Variants in JPH4 observed in about 807,000 individuals in gnomAD.
JPH4 encodes the protein junctophilin-4.
A neutral mutation model predicts 57.6 loss-of-function variants in JPH4; 18 were observed. The observed-to-expected ratio is 0.31, with a 90% CI of 0.22 to 0.46. The LOEUF is 0.46. Among genes scored for constraint, JPH4 ranks in the 20% least tolerant of loss-of-function variants. The pLI is 1.00. For missense variants in JPH4, 727 were observed against 911.1 expected (o/e 0.80, Z 2.60); for synonymous variants, 425 against 406.6 (o/e 1.05, Z -0.54).
rs1415229156 is a variant in JPH4, at chr14:23,575,375, T to A, written c.1151+310A>T. The A allele has an allele frequency of 4.2e-6, 2 of 478,304 alleles. No homozygotes were observed. The highest frequency in any genetic ancestry group is 6.9e-5 in the East Asian group (2 of 29,000). 29.6% of individuals were successfully genotyped at this position (478,304 alleles called of 1,614,324 possible). On this transcript the variant is annotated intron_variant, in intron 3 of 5. Coordinates refer to ENST00000356300, the MANE Select transcript of JPH4 (RefSeq NM_001146028.2). This position sits in a 1 kb window ranked among gnomAD's most constrained non-coding sequence, Gnocchi z 6.9. ...GATTTCTGGGCCTGCACAAAACAGC[T>A]TCCTTGCTACTCCCACACACAACAA...
chr14:23,570,395 A>G (rs1490076706), intron 5 of JPH4, among the ~76,000 whole-genome samples: 93 of 127,494 alleles, frequency 7.3e-4, no homozygotes, highest in Non-Finnish European at 1.1e-3. Flanking sequence ...TTTTTGAGAC[A>G]GAGTCTCGCT....
intron 5 of JPH4, among the ~76,000 whole-genome samples, chr14:23,570,254 T>TGG (rs1889080551): frequency 2.2e-4 from 1 of 4,484 alleles, no homozygotes; most frequent in Non-Finnish European, 4.0e-4. Context: ...AGTGCGGAGG[T>TGG]GGGGGTGGGG....
In JPH4 at chr14:23,568,959, A is replaced by G. The variant is rs1419958164; in HGVS notation, c.*675T>C. ...GAGGGGCTGGCCGATGAGGAGAAAA[A>G]GAGGGAAATGCTGGGGAGTTACTCT... On this transcript the variant is annotated 3_prime_UTR_variant, in exon 6 of 6. Coordinates refer to ENST00000356300, the MANE Select transcript of JPH4 (RefSeq NM_001146028.2). 1.4e-5 allele frequency: 3 copies of G among 209,766 alleles called. No individual in the cohort carries two copies. The highest frequency in any genetic ancestry group is 2.5e-5 in the Non-Finnish European group (3 of 120,590). The allele number at this position is 209,766 out of a possible 1,614,324, so 13.0% of individuals were successfully genotyped here.
rs532311736 is a variant in JPH4 at position 23,576,568 on chromosome 14, C to T, written c.380-112G>A. On this transcript the variant is annotated intron_variant, in intron 2 of 5. Coordinates refer to ENST00000356300, the MANE Select transcript of JPH4 (RefSeq NM_001146028.2). The surrounding 1 kb of genome is among the most constrained non-coding windows in gnomAD (Gnocchi z 8.0). ...AAGCGTCAGGCGGGAGAGATGGAGGCAGTTAGTGTGGAGGTCGGGGAAGGG... is the reference window on the plus strand; with the variant it reads ...AAGCGTCAGGCGGGAGAGATGGAGGTAGTTAGTGTGGAGGTCGGGGAAGGG... The T allele has an allele frequency of 1.1e-4, 107 of 940,528 alleles. 1 individual carries two copies. The South Asian group carries it at 3.2e-3, about 28-fold the overall frequency. The allele number at this position is 940,528 out of a possible 1,614,324, so 58.3% of individuals were successfully genotyped here.
chr14:23,573,110 C>T, intron 3 of JPH4: 1 of 612,972 alleles, frequency 1.6e-6, no homozygotes, highest in South Asian at 1.9e-5. Flanking sequence ...TTCTCTCTGG[C>T]TCAGGAAGGC....
chr14:23,575,392 A>G lies in JPH4; in HGVS notation c.1151+293T>C. 1 of 516,850 alleles carries G rather than the reference A, an allele frequency of 1.9e-6. No individual in the cohort carries two copies. 32.0% of individuals were successfully genotyped at this position (516,850 alleles called of 1,614,324 possible). On this transcript the variant is annotated intron_variant, in intron 3 of 5. Transcript: ENST00000356300. This position sits in a 1 kb window ranked among gnomAD's most constrained non-coding sequence, Gnocchi z 6.9. ...AAAACAGCTTCCTTGCTACTCCCAC[A>G]CACAACAATGGATTCCATAGACATG...
Position 23,576,977 on chromosome 14 carries a change from A to ATCT in JPH4, c.379+97_379+98insAGA. The ATCT allele has an allele frequency of 7.4e-7, 1 of 1,350,982 alleles. No homozygotes were observed. The highest frequency in any genetic ancestry group is 9.7e-7 in the Non-Finnish European group (1 of 1,035,402). The allele number at this position is 1,350,982 out of a possible 1,614,324, so 83.7% of individuals were successfully genotyped here. ...GATGGGGAATGGTGGCGGGGGAAAG[A>ATCT]AGGATGGGCGCAAGGGCGCAAATGG... On this transcript the variant is annotated intron_variant, in intron 2 of 5. Coordinates refer to ENST00000356300, the MANE Select transcript of JPH4 (RefSeq NM_001146028.2). The surrounding 1 kb of genome is among the most constrained non-coding windows in gnomAD (Gnocchi z 8.0).
chr14:23,568,873 G>T lies in JPH4; in HGVS notation c.*761C>A. The T allele has an allele frequency of 1.1e-6, 1 of 880,754 alleles. No homozygotes were observed. The highest frequency in any genetic ancestry group is 1.4e-6 in the Non-Finnish European group (1 of 734,152). 54.6% of individuals were successfully genotyped at this position (880,754 alleles called of 1,614,324 possible). A position where few individuals can be genotyped will look rare whatever the true frequency, so the allele number is the denominator to read the frequency against. On this transcript the variant is annotated 3_prime_UTR_variant, in exon 6 of 6. Coordinates refer to ENST00000356300, the MANE Select transcript of JPH4 (RefSeq NM_001146028.2). ...GGGCAGGGTGGACTTGACTGCATTG[G>T]ATATTCTCTGTTCCTTTACACGTTG...
intron 3 of JPH4, chr14:23,574,942 T>C (rs929098232): frequency 5.8e-6 from 1 of 172,358 alleles, no homozygotes; most frequent in African/African-American, 2.4e-5. Flanking sequence ...TGGCTTCTTT[T>C]TGTTTTTTAA....
In JPH4 at chr14:23,577,575, C is replaced by CG. The variant is rs1003980808; in HGVS notation, c.-123dup. 2 of 711,034 alleles carry CG rather than the reference C, an allele frequency of 2.8e-6. No homozygotes were observed. Among genetic ancestry groups the CG allele is most frequent in the South Asian group, 3.1e-5 (1 of 32,738 alleles). The allele number at this position is 711,034 out of a possible 1,614,324, so 44.0% of individuals were successfully genotyped here. On this transcript the variant is annotated 5_prime_UTR_variant, in exon 2 of 6. The change creates a premature stop within an existing upstream ORF in the 5' untranslated region. Transcript: ENST00000356300. The surrounding 1 kb of genome is among the most constrained non-coding windows in gnomAD (Gnocchi z 8.4). ...CGGGGGCAGTTAGACCGGGGCCGGG[C>CG]GGGGGGGCCCCAGCGAGGGCAGGCA...
intron 5 of JPH4, 100 bp downstream of exon 5, chr14:23,570,828 A>G (rs1055125885): frequency 1.6e-6 from 2 of 1,216,432 alleles, no homozygotes; most frequent in African/African-American, 1.5e-5. Context: ...GAGGAAGCCG[A>G]GTGAGATAAA....
intron 3 of JPH4, among the ~76,000 whole-genome samples, chr14:23,574,435 G>A (rs1595394997): frequency 6.6e-6 from 1 of 152,170 alleles, no homozygotes; most frequent in African/African-American, 2.4e-5. Context: ...GCCTCCCAAA[G>A]TGCTGGGATT....
chr14:23,571,321 G>C lies in JPH4; in HGVS notation c.1410C>G (p.Pro470=), dbSNP rs751100017. ...GGCTCCGGCAGGCAGGGGGTCGCCA[G>C]GGTTGGCGGGAGGAGGCAGGACTGC... The part of the protein sequence containing the change: ...LPSSPASSRQ[P]WRPPACRSPL... The change falls in exon 5 of 6, where the codon CCC becomes CCG. Residue 470 remains proline (P), a synonymous_variant. Transcript: ENST00000356300. The surrounding 1 kb of genome is among the most constrained non-coding windows in gnomAD (Gnocchi z 4.6). 1 of 1,596,272 alleles carries C rather than the reference G, an allele frequency of 6.3e-7. No individual in the cohort carries two copies. Among genetic ancestry groups the C allele is most frequent in the South Asian group, 1.1e-5 (1 of 89,690 alleles).
In JPH4 at chr14:23,577,054, C is replaced by A. The variant is rs775104264; in HGVS notation, c.379+21G>T. On this transcript the variant is annotated intron_variant, in intron 2 of 5. Coordinates refer to ENST00000356300, the MANE Select transcript of JPH4 (RefSeq NM_001146028.2). This position sits in a 1 kb window ranked among gnomAD's most constrained non-coding sequence, Gnocchi z 8.4. Reference sequence around the variant, plus strand: ...GCGCACGCGGACGAGCAGACAGACACTGGTGGGCCGGGCCCCGCACCTCCG... The same window carrying A: ...GCGCACGCGGACGAGCAGACAGACAATGGTGGGCCGGGCCCCGCACCTCCG... The A allele has an allele frequency of 4.5e-5, 68 of 1,504,888 alleles. No homozygotes were observed. The highest frequency in any genetic ancestry group is 6.0e-5 in the Non-Finnish European group (68 of 1,128,790). 93.2% of individuals were successfully genotyped at this position (1,504,888 alleles called of 1,614,324 possible). A position where few individuals can be genotyped will look rare whatever the true frequency, so the allele number is the denominator to read the frequency against.
intron 3 of JPH4, 105 bp from the exon 4 acceptor site, chr14:23,572,025 C>T: frequency 1.0e-6 from 1 of 956,670 alleles, no homozygotes; most frequent in Non-Finnish European, 1.6e-6. Flanking sequence ...ACATCACATC[C>T]TCCTCTCCTC....
At chr14:23,573,015 A>C (rs1566679089) in intron 3 of JPH4, 3 of 697,152 alleles carry the variant, frequency 4.3e-6, no homozygotes, top group Non-Finnish European at 7.9e-6. Flanking sequence ...GGTGGGGCAC[A>C]AAAGAGCTGA....
rs956444014 is a variant in JPH4, at chr14:23,576,468, G to C, written c.380-12C>G. 1.4e-6 allele frequency: 2 copies of C among 1,392,852 alleles called. No individual in the cohort carries two copies. Among genetic ancestry groups the C allele is most frequent in the Non-Finnish European group, 9.2e-7 (1 of 1,082,204 alleles). 86.3% of individuals were successfully genotyped at this position (1,392,852 alleles called of 1,614,324 possible). Reference sequence around the variant, plus strand: ...GCCCTGGTAGGTGCCTGCGGGCGGCGGAGGGGTGGGAGAAAGAGTCAGGAC... The same window carrying C: ...GCCCTGGTAGGTGCCTGCGGGCGGCCGAGGGGTGGGAGAAAGAGTCAGGAC... On this transcript the variant is annotated splice_polypyrimidine_tract_variant and intron_variant, in intron 2 of 5. Coordinates refer to ENST00000356300, the MANE Select transcript of JPH4 (RefSeq NM_001146028.2). This position sits in a 1 kb window ranked among gnomAD's most constrained non-coding sequence, Gnocchi z 8.0.
chr14:23,577,512 G>A lies in JPH4; in HGVS notation c.-59C>T. On this transcript the variant is annotated 5_prime_UTR_variant, in exon 2 of 6. Coordinates refer to ENST00000356300, the MANE Select transcript of JPH4 (RefSeq NM_001146028.2). The surrounding 1 kb of genome is among the most constrained non-coding windows in gnomAD (Gnocchi z 8.4). ...GCTCAGCGCATCCTGGGACTGGAGAGCCTGCTGGGGGCCTTGGAGCCGGGC... is the reference window on the plus strand; with the variant it reads ...GCTCAGCGCATCCTGGGACTGGAGAACCTGCTGGGGGCCTTGGAGCCGGGC... 1 of 1,339,118 alleles carries A rather than the reference G, an allele frequency of 7.5e-7. No individual in the cohort carries two copies. The highest frequency in any genetic ancestry group is 9.6e-7 in the Non-Finnish European group (1 of 1,042,164). 83.0% of individuals were successfully genotyped at this position (1,339,118 alleles called of 1,614,324 possible).
At chr14:23,573,868 A>G (rs540563799) in intron 3 of JPH4, among the ~76,000 whole-genome samples, 1 of 152,172 alleles carries the variant, frequency 6.6e-6, no homozygotes, top group African/African-American at 2.4e-5. Context: ...ACACATCTAT[A>G]GATGCACATT....
Sources: gnomAD v4.1 joint callset for allele counts (sites outside exome capture counted in the v4.1 genomes callset) on GRCh38, gnomAD v4.1.1 for gene constraint, Gnocchi (gnomAD v3.1) non-coding constraint, MANE v1.5 for transcripts, NCBI Gene and HGNC (gene_info 2026-07-23, HGNC 2026-07-21) for gene names.